The following ZNF117 variants were observed in gnomAD, a reference collection of about 807,000 sequenced individuals.
ZNF117 encodes zinc finger protein 117, also known as Krueppel-related zinc finger protein.
A neutral mutation model predicts 41.2 loss-of-function variants in ZNF117; 37 were observed. The ratio of observed to expected loss-of-function variants is 0.90; its 90% CI spans 0.69 to 1.18. The LOEUF is 1.18. Ranked by LOEUF, ZNF117 falls within the 50% of genes most tolerant of loss-of-function variation. The probability of loss-of-function intolerance (pLI) is 0.00; values close to 1 mark genes in which losing one functional copy is unlikely to be tolerated. For synonymous variants in ZNF117, 186 were observed against 186.6 expected (o/e 1.00, Z 0.02); for missense variants, 546 against 557.5 (o/e 0.98, Z 0.21).
At chr7:64,971,810 T>C (rs894776220), downstream of ZNF117, 3 of 151,644 alleles carry the variant, frequency 2.0e-5, no homozygotes, top group Non-Finnish European at 2.9e-5. Flanking sequence ...AACCTCAAAA[T>C]CCAAGGAAAT....
At chr7:64,971,949 G>C (rs200885208), downstream of ZNF117, 7 of 152,030 alleles carry the variant, frequency 4.6e-5, no homozygotes, top group East Asian at 1.2e-3. Flanking sequence ...GTGGGACAAA[G>C]GGTTAATAAC....
exon 1 of ZNF117, chr7:64,990,101 C>G (rs939828590): frequency 1.3e-5 from 2 of 151,990 alleles, no homozygotes; most frequent in African/African-American, 4.8e-5. Context: ...AAAAGAAAAC[C>G]AAAAACCTAA....
At chr7:64,981,477 C>A in exon 2 of ZNF117, 1 of 1,584,010 alleles carries the variant, frequency 6.3e-7, no homozygotes, top group Non-Finnish European at 8.7e-7. Flanking sequence ...TTAGAGACAG[C>A]AATACCTGTT....
exon 3 of ZNF117, chr7:64,974,797 G>A (rs1584043122): frequency 6.6e-6 from 1 of 151,900 alleles, no homozygotes; most frequent in East Asian, 1.9e-4. Flanking sequence ...ATAGTCAATA[G>A]CAATTTACTT....
rs774192568 is a variant in ZNF117, at chr7:64,978,855, T to C, written c.716A>G (p.His239Arg). ...TTTCTCTCCGGTATGAATTAACTTA[T>C]GTTCAGTAAGCTTTGAGGCTTGGTT... Residue 239 changes from histidine to arginine, a missense_variant, in exon 3 of 3, where the codon CAT becomes CGT. Transcript: ENST00000620222. 3.7e-6 allele frequency: 6 copies of C among 1,613,576 alleles called. No individual in the cohort carries two copies. The African/African-American group carries it at 5.3e-5, about 14-fold the overall frequency.
At chr7:64,978,745 G>A (rs773489443) in exon 3 of ZNF117, 155 of 1,613,044 alleles carry the variant, frequency 9.6e-5, no homozygotes, top group Admixed American at 4.3e-4. Context: ...CATTTGTACA[G>A]CTTCTCTCCA....
upstream of ZNF117, among the ~76,000 whole-genome samples, chr7:64,983,581 TA>T (rs1302388336): frequency 6.6e-6 from 1 of 151,862 alleles, no homozygotes; most frequent in Non-Finnish European, 1.5e-5. Flanking sequence ...ATATTAAGCT[TA>T]AAAAAAGGTC....
At chr7:64,987,918 C>A (rs1465503584) in intron 1 of ZNF117, among the ~76,000 whole-genome samples, 1 of 151,458 alleles carries the variant, frequency 6.6e-6, no homozygotes, top group Non-Finnish European at 1.5e-5. Context: ...GAAATCGAAT[C>A]TCTGAGTAGA....
chr7:64,981,354 C>T, intron 2 of ZNF117, 33 bp downstream of exon 3: 1 of 1,612,046 alleles, frequency 6.2e-7, no homozygotes, highest in Non-Finnish European at 8.5e-7. Flanking sequence ...TTGACCTCTT[C>T]TCTGTGCCAT....
At chr7:64,972,021 C>G (rs548605779), downstream of ZNF117, 3 of 151,794 alleles carry the variant, frequency 2.0e-5, no homozygotes, top group East Asian at 5.8e-4. Context: ...TAAAAATGAG[C>G]AAAAGGCTTA....
chr7:64,982,158 A>G (rs1786046795), upstream of ZNF117: 1 of 695,042 alleles, frequency 1.4e-6, no homozygotes, highest in Non-Finnish European at 2.4e-6. Context: ...AATCACATAC[A>G]TTTACCAAGT....
At chr7:64,977,453 G>GT (rs1785915798) in exon 3 of ZNF117, 4 of 467,436 alleles carry the variant, frequency 8.6e-6, no homozygotes, top group South Asian at 3.3e-5. Context: ...AGCATCGACT[G>GT]AAAGTTTTGC....
chr7:64,979,146 T>C lies in ZNF117; in HGVS notation c.425A>G (p.Tyr142Cys). 5 of 1,607,850 alleles carry C rather than the reference T, an allele frequency of 3.1e-6. No individual in the cohort carries two copies. The highest frequency in any genetic ancestry group is 2.2e-5 in the South Asian group (2 of 89,970). ...TGAGGACCAGTTAAAGGCTCTTCCA[T>C]ATGCTTCACATTTGTAGAAATTCAC... The change falls in exon 3 of 3, where the codon TAT becomes TGT. Residue 142 changes from tyrosine to cysteine, a missense_variant. Physicochemically the swap from Tyr to Cys is radical, Grantham distance 194 (BLOSUM62 -2). Transcript: ENST00000620222.
exon 3 of ZNF117, chr7:64,978,148 A>G (rs1785931036): frequency 1.2e-6 from 2 of 1,611,356 alleles, no homozygotes; most frequent in Non-Finnish European, 1.7e-6. Context: ...CATTCATCAC[A>G]TTTGTACTGT....
rs768990439 is a variant in ZNF117 at position 64,978,841 on chromosome 7, T to G, written c.730A>C (p.Thr244Pro). ...TCACATTCATAACGTTTCTCTCCGG[T>G]ATGAATTAACTTATGTTCAGTAAGC... Residue 244 changes from threonine to proline, a missense_variant, in exon 3 of 3, where the codon ACC (threonine) becomes CCC (proline). Transcript: ENST00000620222. 145 of 1,613,530 alleles carry G rather than the reference T, an allele frequency of 9.0e-5. No individual in the cohort carries two copies. The highest frequency in any genetic ancestry group is 1.2e-4 in the Non-Finnish European group (136 of 1,179,762).
At chr7:64,986,265 CTA>C (rs1786133103), upstream of ZNF117, among the ~76,000 whole-genome samples, 1 of 152,100 alleles carries the variant, frequency 6.6e-6, no homozygotes, top group Non-Finnish European at 1.5e-5. Context: ...GGAAAAAGGC[CTA>C]TGTCTTTCTC....
At chr7:64,986,343 G>C (rs1328576810), upstream of ZNF117, among the ~76,000 whole-genome samples, 3 of 152,150 alleles carry the variant, frequency 2.0e-5, no homozygotes, top group African/African-American at 7.2e-5. Context: ...GTACAAAACT[G>C]TTATGTAAGA....
chr7:64,990,882 TTTAC>T (rs1422347619), exon 1 of ZNF117: 1 of 185,034 alleles, frequency 5.4e-6, no homozygotes, highest in Non-Finnish European at 1.1e-5. Flanking sequence ...TTGTTTTCCC[TTTAC>T]TTGTTTTTCC....
chr7:64,978,277 G>C, exon 3 of ZNF117: 1 of 1,595,474 alleles, frequency 6.3e-7, no homozygotes, highest in African/African-American at 1.3e-5. Flanking sequence ...TGTCCAATAA[G>C]GGTTGAAGAT....
Sources: gnomAD v4.1 joint callset for allele counts (sites outside exome capture counted in the v4.1 genomes callset) on GRCh38, gnomAD v4.1.1 for gene constraint, MANE v1.5 for transcripts, NCBI Gene and HGNC (gene_info 2026-07-23, HGNC 2026-07-21) for gene names.